The following RBFOX3 variants were observed in gnomAD, a reference collection of about 807,000 sequenced individuals.
The protein encoded by RBFOX3 is RNA binding protein fox-1 homolog 3.
In RBFOX3, 17 loss-of-function variants were observed where a neutral mutation model predicts 48.7. The observed-to-expected ratio is 0.35, with a 90% CI of 0.24 to 0.52. The LOEUF (loss-of-function observed/expected upper bound fraction) is 0.52. RBFOX3 is among the 20% of genes least tolerant of loss of function. The pLI, the probability that RBFOX3 is intolerant of heterozygous loss-of-function variation, is 0.94. For missense variants in RBFOX3, 382 were observed against 497.5 expected (o/e 0.77, Z 2.21); for synonymous variants, 212 against 209.5 (o/e 1.01, Z -0.10).
At chr17:79,529,689 TG>T (rs2087400163) in intron 1 of RBFOX3, among the ~76,000 whole-genome samples, 1 of 152,122 alleles carries the variant, frequency 6.6e-6, no homozygotes, top group African/African-American at 2.4e-5. Context: ...GGGACACCGC[TG>T]AGATGATGCT....
rs572838473 is a variant in RBFOX3 at position 79,289,861 on chromosome 17, T to C, written c.-74+17863A>G. On this transcript the variant is annotated intron_variant, in intron 3 of 14. Transcript: ENST00000693108. ...TGTAGTGAACATGACATCAATAACA[T>C]TGATTGCTAAAAATAACTAATAACA... Among the ~76,000 whole-genome samples, 4 of 152,314 alleles carry C rather than the reference T, an allele frequency of 2.6e-5. No individual in the cohort carries two copies. The South Asian group carries it at 8.3e-4, about 32-fold the overall frequency.
chr17:79,317,415 C>G (rs1385303099), intron 2 of RBFOX3, among the ~76,000 whole-genome samples: 1 of 152,212 alleles, frequency 6.6e-6, no homozygotes, highest in African/African-American at 2.4e-5. Flanking sequence ...GGTGAAGCCC[C>G]CACGGGTTCA....
chr17:79,139,469 CCTT>C (rs2041450073), intron 4 of RBFOX3, among the ~76,000 whole-genome samples: 2 of 152,266 alleles, frequency 1.3e-5, no homozygotes, highest in Admixed American at 1.3e-4. Flanking sequence ...ACGATTTACA[CCTT>C]CTCATTGGCT....
chr17:79,150,308 C>T (rs565322843), intron 4 of RBFOX3, among the ~76,000 whole-genome samples: 109 of 152,110 alleles, frequency 7.2e-4, no homozygotes, highest in African/African-American at 2.4e-3. Flanking sequence ...GGGTAGGACG[C>T]TCTGGGTCAA....
chr17:79,586,747 G>A (rs948584020), intron 1 of RBFOX3, among the ~76,000 whole-genome samples: 20 of 152,276 alleles, frequency 1.3e-4, no homozygotes, highest in Non-Finnish European at 1.8e-4. Context: ...ATCCTCTCCC[G>A]GGTTTCTCTG....
intron 1 of RBFOX3, among the ~76,000 whole-genome samples, chr17:79,514,746 C>A (rs1221336937): frequency 6.6e-6 from 1 of 152,194 alleles, no homozygotes; most frequent in Non-Finnish European, 1.5e-5. Flanking sequence ...CCATGTGGAT[C>A]CACTGGACCC....
At chr17:79,534,359 C>A (rs1006321837) in intron 1 of RBFOX3, among the ~76,000 whole-genome samples, 5 of 152,230 alleles carry the variant, frequency 3.3e-5, no homozygotes, top group Non-Finnish European at 7.3e-5. Flanking sequence ...GTCATCGGAA[C>A]ATTGTCAAGC....
At chr17:79,550,644 G>A (rs2091047343) in intron 1 of RBFOX3, among the ~76,000 whole-genome samples, 1 of 152,220 alleles carries the variant, frequency 6.6e-6, no homozygotes. Flanking sequence ...TGGGTGGGCA[G>A]ATGGAAGAAT....
chr17:79,095,644 G>C, intron 12 of RBFOX3, 70 bp from the exon 13 acceptor site: 2 of 1,381,082 alleles, frequency 1.4e-6, no homozygotes, highest in South Asian at 2.5e-5. Context: ...GCTGAGTGGG[G>C]AGAGGAGACA....
chr17:79,156,675 G>T (rs2045877651), intron 4 of RBFOX3, among the ~76,000 whole-genome samples: 2 of 152,332 alleles, frequency 1.3e-5, no homozygotes, highest in Admixed American at 1.3e-4. Context: ...CTCCGGCTGT[G>T]CTCGCCCTAC....
At chr17:79,664,004 C>A in the RBFOX3 span, among the ~76,000 whole-genome samples, 1 of 152,048 alleles carries the variant, frequency 6.6e-6, no homozygotes, top group African/African-American at 2.4e-5. Flanking sequence ...AGGCAGGTCC[C>A]GACGAGCAGG....
chr17:79,401,583 TTCTTTTGTTTC>T (rs1211177321), intron 2 of RBFOX3, among the ~76,000 whole-genome samples: 1 of 152,124 alleles, frequency 6.6e-6, no homozygotes, highest in Non-Finnish European at 1.5e-5. Flanking sequence ...GGGAACCTAT[TTCTTTTGTTTC>T]ACTTTTAAAG....
At chr17:79,455,246 C>T (rs6501308) in intron 2 of RBFOX3, among the ~76,000 whole-genome samples, 80,836 of 152,030 alleles carry the variant, frequency 0.53, 22,077 homozygotes, top group Middle Eastern at 0.6. Flanking sequence ...GATCCAAAGA[C>T]GCGCAGGCTA....
Position 79,468,602 on chromosome 17 carries a change from G to GGATA in RBFOX3, c.-175+13848_-175+13851dup, listed in dbSNP as rs774709400. On this transcript the variant is annotated intron_variant, in intron 2 of 14. Coordinates refer to ENST00000693108, the MANE Select transcript of RBFOX3 (RefSeq NM_001350451.2). ...TGAATGAATGAATGGATGGATGGATGGATAGATAGATAGCAGATAGGCAGG... is the reference window on the plus strand; with the variant it reads ...TGAATGAATGAATGGATGGATGGATGGATAGATAGATAGATAGCAGATAGGCAGG... Among the ~76,000 whole-genome samples the GGATA allele has an allele frequency of 4.0e-3, 598 of 150,974 alleles. 1 individual carries two copies. Among genetic ancestry groups the GGATA allele is most frequent in the Non-Finnish European group, 6.6e-3 (448 of 67,650 alleles).
At chr17:79,485,248 C>T (rs1195269240) in intron 1 of RBFOX3, among the ~76,000 whole-genome samples, 8 of 152,106 alleles carry the variant, frequency 5.3e-5, no homozygotes, top group Non-Finnish European at 7.4e-5. Context: ...GCAGGGGAGG[C>T]GCCCACAGGA....
the RBFOX3 span, among the ~76,000 whole-genome samples, chr17:79,658,105 G>T: frequency 6.6e-6 from 1 of 152,150 alleles, no homozygotes; most frequent in South Asian, 2.1e-4. Context: ...TTTACTCGTG[G>T]TTTTTTTAAG....
rs372482140 is a variant in RBFOX3 at position 79,170,813 on chromosome 17, A to G, written c.-33-55065T>C. On this transcript the variant is annotated intron_variant, in intron 4 of 14. Coordinates refer to ENST00000693108, the MANE Select transcript of RBFOX3 (RefSeq NM_001350451.2). ...TCCCTATTGCCTACTGGAAAAAGTC[A>G]AAATTTCTCAGCCTAGAGCCCCAAA... is the stretch of plus-strand genomic sequence containing the variant. Among the ~76,000 whole-genome samples, 20 of 152,292 alleles carry G rather than the reference A, an allele frequency of 1.3e-4. No homozygotes were observed. In the East Asian group the frequency reaches 2.3e-3, roughly 18 times the overall value.
chr17:79,543,178 A>T (rs1015800134), intron 1 of RBFOX3, among the ~76,000 whole-genome samples: 4 of 152,174 alleles, frequency 2.6e-5, no homozygotes, highest in African/African-American at 9.7e-5. Flanking sequence ...GCAAGTAATG[A>T]GTGATTTTCC....
intron 2 of RBFOX3, among the ~76,000 whole-genome samples, chr17:79,337,757 C>G (rs951338146): frequency 5.9e-5 from 9 of 152,082 alleles, no homozygotes; most frequent in Admixed American, 5.2e-4. Context: ...GCCTGGGCAA[C>G]AGAGCAAGAC....
Sources: allele counts gnomAD v4.1 joint callset (sites outside exome capture counted in the v4.1 genomes callset), GRCh38; gene constraint gnomAD v4.1.1; transcripts MANE v1.5; gene names NCBI Gene and HGNC (gene_info 2026-07-23, HGNC 2026-07-21).